CACUL1: variants seen among roughly 807,000 people sequenced by gnomAD.
CACUL1 encodes the protein CDK2-associated and cullin domain-containing protein 1.
Under a neutral mutation model 45.2 loss-of-function variants are expected in CACUL1, and 13 were observed. The observed-to-expected ratio is 0.29, with a 90% CI of 0.19 to 0.46. The LOEUF (loss-of-function observed/expected upper bound fraction) is 0.46, where lower values mean the gene tolerates loss of function less well. Among genes scored for constraint, CACUL1 ranks in the 20% least tolerant of loss-of-function variants. The probability of loss-of-function intolerance (pLI) is 1.00; values close to 1 mark genes in which losing one functional copy is unlikely to be tolerated. For missense variants in CACUL1, 421 were observed against 471.4 expected, an observed-to-expected ratio of 0.89 and a Z score of 0.99; for synonymous variants, 197 against 174.2, an observed-to-expected ratio of 1.13 and a Z score of -1.03.
Position 118,681,871 on chromosome 10 carries a change from TC to T in CACUL1, c.*4256del, listed in dbSNP as rs1444431696. ...ACAGTGGGGACAGAGAGGAATGATT[TC>T]CCTTGGAAAACAACAGGGTTCCTTT... On this transcript the variant is annotated 3_prime_UTR_variant, in exon 9 of 9. Coordinates refer to ENST00000369151, the MANE Select transcript of CACUL1 (RefSeq NM_153810.5). The T allele has an allele frequency of 6.6e-6, 1 of 152,220 alleles. No homozygotes were observed. The highest frequency in any genetic ancestry group is 1.5e-5 in the Non-Finnish European group (1 of 68,044). The allele number at this position is 152,220 out of a possible 1,614,324, so 9.4% of individuals were successfully genotyped here. A position where few individuals can be genotyped will look rare whatever the true frequency, so the allele number is the denominator to read the frequency against.
rs1845379232 is a variant in CACUL1, at chr10:118,701,424, A to C, written c.694-16T>G. 2 of 1,444,278 alleles carry C rather than the reference A, an allele frequency of 1.4e-6. No homozygotes were observed. Among genetic ancestry groups the C allele is most frequent in the Non-Finnish European group, 1.9e-6 (2 of 1,051,054 alleles). The allele number at this position is 1,444,278 out of a possible 1,614,324, so 89.5% of individuals were successfully genotyped here. A position where few individuals can be genotyped will look rare whatever the true frequency, so the allele number is the denominator to read the frequency against. ...AAAACTTATTCTGAAAAATAAAATA[A>C]AATCTTTTTTTGTGTATTAATTGGG... On this transcript the variant is annotated splice_polypyrimidine_tract_variant and intron_variant, in intron 4 of 8. Transcript: ENST00000369151.
At chr10:118,711,803 T>A (rs182113369) in intron 3 of CACUL1, among the ~76,000 whole-genome samples, 21 of 152,342 alleles carry the variant, frequency 1.4e-4, no homozygotes, top group Non-Finnish European at 2.8e-4. Flanking sequence ...TAAAAAAGTA[T>A]ATTTCATGTA....
intron 3 of CACUL1, among the ~76,000 whole-genome samples, chr10:118,714,281 C>T (rs1018243678): frequency 6.6e-6 from 1 of 152,164 alleles, no homozygotes; most frequent in Non-Finnish European, 1.5e-5. Flanking sequence ...CATTTTATTA[C>T]ATCACACATT....
At chr10:118,720,714 C>A (rs1170198783) in intron 3 of CACUL1, among the ~76,000 whole-genome samples, 1 of 152,170 alleles carries the variant, frequency 6.6e-6, no homozygotes, top group Non-Finnish European at 1.5e-5. Flanking sequence ...TTTACTGGAT[C>A]TCTATTTTTG....
At position 118,732,626 on chromosome 10, in the gene CACUL1, C is replaced by T. The variant is rs1174239577; in HGVS notation, c.368-2216G>A. On this transcript the variant is annotated intron_variant, in intron 1 of 8. Transcript: ENST00000369151. Reference sequence around the variant, plus strand: ...TAGCTCCCTCTCCTTTTGGGTGAGGCGACTCTAAGGCCCCTGTGCTATACT... The same window carrying T: ...TAGCTCCCTCTCCTTTTGGGTGAGGTGACTCTAAGGCCCCTGTGCTATACT... 5.3e-5 allele frequency among the ~76,000 whole-genome samples: 8 copies of T among 152,240 alleles called. No individual in the cohort carries two copies. In the South Asian group the frequency reaches 1.0e-3, roughly 20 times the overall value.
chr10:118,698,335 G>C (rs1845344158), intron 5 of CACUL1, among the ~76,000 whole-genome samples: 2 of 151,950 alleles, frequency 1.3e-5, no homozygotes, highest in Non-Finnish European at 2.9e-5. Flanking sequence ...GTAGAGACAG[G>C]GTTTCACCAT....
rs928098379 is a variant in CACUL1, at chr10:118,678,163, T to C, written c.*7965A>G. Reference sequence around the variant, plus strand: ...GTGTTTGGGGTCCGTCTCTCCTGAGTTGTTTTCATTGCTGATTTGCATTCA... The same window carrying C: ...GTGTTTGGGGTCCGTCTCTCCTGAGCTGTTTTCATTGCTGATTTGCATTCA... On this transcript the variant is annotated 3_prime_UTR_variant, in exon 9 of 9. Coordinates refer to ENST00000369151, the MANE Select transcript of CACUL1 (RefSeq NM_153810.5). The C allele has an allele frequency of 6.6e-6, 1 of 152,224 alleles. No homozygotes were observed. The highest frequency in any genetic ancestry group is 1.5e-5 in the Non-Finnish European group (1 of 68,038). The allele number at this position is 152,224 out of a possible 1,614,324, so 9.4% of individuals were successfully genotyped here. A position where few individuals can be genotyped will look rare whatever the true frequency, so the allele number is the denominator to read the frequency against.
intron 4 of CACUL1, among the ~76,000 whole-genome samples, chr10:118,703,314 TA>T (rs768548269): frequency 1.8e-3 from 260 of 143,738 alleles, no homozygotes; most frequent in East Asian, 2.2e-3. Flanking sequence ...TTTTTCCCCC[TA>T]AAAAAAAAAA....
intron 1 of CACUL1, among the ~76,000 whole-genome samples, chr10:118,752,301 TG>T (rs1286007212): frequency 6.6e-6 from 1 of 152,216 alleles, no homozygotes; most frequent in Non-Finnish European, 1.5e-5. Flanking sequence ...TGAAGGTTTT[TG>T]GTAATGACCT....
chr10:118,749,835 G>A (rs1469908274), intron 1 of CACUL1, among the ~76,000 whole-genome samples: 1 of 151,974 alleles, frequency 6.6e-6, no homozygotes, highest in African/African-American at 2.4e-5. Context: ...CTCACAGTAG[G>A]GCTGGTGGAC....
chr10:118,717,035 G>A (rs1482461084), intron 3 of CACUL1, among the ~76,000 whole-genome samples: 1 of 152,172 alleles, frequency 6.6e-6, no homozygotes, highest in Non-Finnish European at 1.5e-5. Context: ...GAAGGGACTG[G>A]TAATGACGCA....
intron 3 of CACUL1, among the ~76,000 whole-genome samples, chr10:118,709,866 G>A (rs991182367): frequency 8.6e-5 from 13 of 152,004 alleles, no homozygotes; most frequent in African/African-American, 3.1e-4. Context: ...TCTGGTGCAC[G>A]CTAGGTGCTT....
At chr10:118,754,336 G>A (rs1845931323) in intron 1 of CACUL1, 60 bp downstream of exon 1, 4 of 1,438,468 alleles carry the variant, frequency 2.8e-6, no homozygotes, top group African/African-American at 1.5e-5. Flanking sequence ...AAGAGGGGGT[G>A]GATTCGGCGT....
intron 5 of CACUL1, among the ~76,000 whole-genome samples, chr10:118,700,241 A>T (rs1845365422): frequency 6.6e-6 from 1 of 152,226 alleles, no homozygotes; most frequent in African/African-American, 2.4e-5. Flanking sequence ...TGCCAACCCA[A>T]ATATGTGCCA....
At chr10:118,742,562 C>T (rs1451234634) in intron 1 of CACUL1, among the ~76,000 whole-genome samples, 1 of 152,148 alleles carries the variant, frequency 6.6e-6, no homozygotes, top group Non-Finnish European at 1.5e-5. Flanking sequence ...GGAACAGAGG[C>T]TCACTCCTGT....
intron 3 of CACUL1, among the ~76,000 whole-genome samples, chr10:118,724,404 G>T (rs546102606): frequency 8.5e-5 from 13 of 152,066 alleles, no homozygotes; most frequent in Non-Finnish European, 1.8e-4. Flanking sequence ...AGCAGGGGGG[G>T]TGGTCCACAC....
rs901319671 is a variant in CACUL1, at chr10:118,683,277, C to A, written c.*2851G>T. The A allele has an allele frequency of 6.6e-6, 1 of 151,824 alleles. No homozygotes were observed. Among genetic ancestry groups the A allele is most frequent in the African/African-American group, 2.4e-5 (1 of 41,264 alleles). 9.4% of individuals were successfully genotyped at this position (151,824 alleles called of 1,614,324 possible). On this transcript the variant is annotated 3_prime_UTR_variant, in exon 9 of 9. Coordinates refer to ENST00000369151, the MANE Select transcript of CACUL1 (RefSeq NM_153810.5). ...AATCAGCCATTGACTAACCAGACAACCAGCCTGCATGTACGGTTTTGTATC... is the reference window on the plus strand; with the variant it reads ...AATCAGCCATTGACTAACCAGACAAACAGCCTGCATGTACGGTTTTGTATC...
At chr10:118,737,521 T>C (rs1845751319) in intron 1 of CACUL1, among the ~76,000 whole-genome samples, 1 of 152,144 alleles carries the variant, frequency 6.6e-6, no homozygotes, top group Non-Finnish European at 1.5e-5. Flanking sequence ...ATACCAGCCG[T>C]ATAAAACCTC....
intron 1 of CACUL1, among the ~76,000 whole-genome samples, chr10:118,751,428 T>C (rs1262067131): frequency 6.6e-6 from 1 of 152,188 alleles, no homozygotes; most frequent in African/African-American, 2.4e-5. Flanking sequence ...ATTTATTTTT[T>C]CTCTATATAG....
Sources: allele counts gnomAD v4.1 joint callset (sites outside exome capture counted in the v4.1 genomes callset), GRCh38; gene constraint gnomAD v4.1.1; transcripts MANE v1.5; gene names NCBI Gene and HGNC (gene_info 2026-07-23, HGNC 2026-07-21).